The following CTNNA3 variants were observed in gnomAD, a reference collection of about 807,000 sequenced individuals.
CTNNA3 encodes the protein catenin alpha-3.
Under a neutral mutation model 95.7 loss-of-function variants are expected in CTNNA3, and 76 were observed. That is an observed-to-expected ratio of 0.79 (90% confidence interval 0.66 to 0.96). CTNNA3 has a LOEUF of 0.96. Among genes scored for constraint, CTNNA3 ranks in the 40% least tolerant of loss-of-function variants. The pLI is 0.00. For missense variants in CTNNA3, 1,191 were observed against 1,089.8 expected (o/e 1.09, Z -1.31); for synonymous variants, 431 against 374.4 (o/e 1.15, Z -1.74).
chr10:66,498,493 T>A (rs1259977991), intron 11 of CTNNA3, among the ~76,000 whole-genome samples: 1 of 152,134 alleles, frequency 6.6e-6, no homozygotes, highest in Non-Finnish European at 1.5e-5. Context: ...ATGGCAATAA[T>A]TTAGGTTCAT....
At chr10:66,673,686 C>T (rs578007464) in intron 9 of CTNNA3, among the ~76,000 whole-genome samples, 28 of 152,182 alleles carry the variant, frequency 1.8e-4, no homozygotes, top group African/African-American at 6.3e-4. Context: ...GGATATACTA[C>T]ATAATCTTAA....
intron 11 of CTNNA3, among the ~76,000 whole-genome samples, chr10:66,426,522 T>C (rs1394311863): frequency 1.3e-5 from 2 of 152,084 alleles, no homozygotes; most frequent in South Asian, 2.1e-4. Flanking sequence ...TCTTAAAGGA[T>C]AGCTTAGCTA....
intron 5 of CTNNA3, among the ~76,000 whole-genome samples, chr10:67,457,596 A>C (rs1336788401): frequency 6.6e-6 from 1 of 152,216 alleles, no homozygotes; most frequent in Non-Finnish European, 1.5e-5. Flanking sequence ...AAAACAACAC[A>C]AATTATCATT....
intron 11 of CTNNA3, among the ~76,000 whole-genome samples, chr10:66,434,548 G>A (rs988224050): frequency 2.6e-5 from 4 of 152,142 alleles, no homozygotes; most frequent in Non-Finnish European, 5.9e-5. Context: ...TTTTGGGGCT[G>A]AGATGACAGG....
chr10:66,625,722 T>C (rs1371906001), intron 9 of CTNNA3, among the ~76,000 whole-genome samples: 1 of 152,198 alleles, frequency 6.6e-6, no homozygotes, highest in East Asian at 1.9e-4. Flanking sequence ...TTAGTATGTT[T>C]CTGTCATGAT....
chr10:66,111,151 C>T (rs995423452), intron 13 of CTNNA3, among the ~76,000 whole-genome samples: 1 of 152,096 alleles, frequency 6.6e-6, no homozygotes, highest in African/African-American at 2.4e-5. Flanking sequence ...GGGCAGATTT[C>T]CTCCTTGCTC....
At chr10:67,655,929 A>G (rs986486555) in intron 1 of CTNNA3, among the ~76,000 whole-genome samples, 7 of 152,198 alleles carry the variant, frequency 4.6e-5, no homozygotes, top group African/African-American at 1.7e-4. Context: ...CTGAAAAAAA[A>G]AATCTAAATC....
intron 9 of CTNNA3, among the ~76,000 whole-genome samples, chr10:66,733,834 A>G (rs1448607615): frequency 6.6e-6 from 1 of 151,784 alleles, no homozygotes; most frequent in Non-Finnish European, 1.5e-5. Context: ...TTTCTTTTCA[A>G]TGGCTTATTG....
In CTNNA3 at chr10:66,584,429, T is replaced by C. The variant is rs779170999; in HGVS notation, c.1374+37263A>G. 3.9e-5 allele frequency among the ~76,000 whole-genome samples: 6 copies of C among 151,978 alleles called. No homozygotes were observed. In the South Asian group the frequency reaches 1.2e-3, roughly 31 times the overall value. ...TTGAATTTATCCTATTTTAATTACA[T>C]AATGACCTTCTTTGTCCTTTTTTAA... On this transcript the variant is annotated intron_variant, in intron 10 of 17. Transcript: ENST00000433211.
rs1845831919 is a variant in CTNNA3, at chr10:67,424,013, G to T, written c.579+97829C>A. 3.9e-5 allele frequency among the ~76,000 whole-genome samples: 6 copies of T among 152,038 alleles called. No individual in the cohort carries two copies. In the South Asian group the frequency reaches 1.2e-3, roughly 31 times the overall value. On this transcript the variant is annotated intron_variant, in intron 5 of 17. Transcript: ENST00000433211. ...GAAAGCATAAATGCTGTTCTAGTCA[G>T]GAAAAAGAATCAATAAATACTCAAA...
intron 9 of CTNNA3, among the ~76,000 whole-genome samples, chr10:66,684,515 C>T (rs1364296811): frequency 6.6e-6 from 1 of 152,092 alleles, no homozygotes; most frequent in African/African-American, 2.4e-5. Flanking sequence ...AAATAAGATT[C>T]ATTTCTATAA....
At chr10:66,865,357 A>AAAAAGAC (rs1481849850) in intron 7 of CTNNA3, among the ~76,000 whole-genome samples, 1 of 152,038 alleles carries the variant, frequency 6.6e-6, no homozygotes, top group Non-Finnish European at 1.5e-5. Context: ...TCATCATGTT[A>AAAAAGAC]AAAAGACATA....
chr10:66,343,139 G>A (rs2092470215), intron 12 of CTNNA3, among the ~76,000 whole-genome samples: 2 of 151,952 alleles, frequency 1.3e-5, no homozygotes, highest in South Asian at 4.1e-4. Flanking sequence ...ACGTAAACTA[G>A]TACAGCCACT....
chr10:66,542,955 T>C (rs1037057270), intron 10 of CTNNA3, among the ~76,000 whole-genome samples: 1 of 152,186 alleles, frequency 6.6e-6, no homozygotes, highest in Admixed American at 6.5e-5. Flanking sequence ...GAAATTCTAC[T>C]TTTAGAAATG....
intron 13 of CTNNA3, among the ~76,000 whole-genome samples, chr10:66,240,945 A>G (rs1231151263): frequency 6.6e-6 from 1 of 152,246 alleles, no homozygotes; most frequent in African/African-American, 2.4e-5. Flanking sequence ...GAAAATAACA[A>G]GTTTTTAGGA....
At chr10:66,955,437 A>T (rs1270974920) in intron 7 of CTNNA3, among the ~76,000 whole-genome samples, 2 of 152,190 alleles carry the variant, frequency 1.3e-5, no homozygotes, top group African/African-American at 2.4e-5. Context: ...ATTCCAAATG[A>T]CAATGCCAAT....
intron 9 of CTNNA3, among the ~76,000 whole-genome samples, chr10:66,677,142 G>T (rs778129481): frequency 5.4e-4 from 82 of 152,184 alleles, no homozygotes; most frequent in Non-Finnish European, 7.6e-4. Context: ...TAAATGACTG[G>T]TTTGAGCCAG....
At chr10:66,023,678 C>T (rs1413223353) in intron 15 of CTNNA3, among the ~76,000 whole-genome samples, 3 of 152,182 alleles carry the variant, frequency 2.0e-5, no homozygotes, top group Non-Finnish European at 4.4e-5. Context: ...TCTCCCTAGA[C>T]GTATTGTGAA....
chr10:67,312,388 G>T (rs1840850952), intron 5 of CTNNA3, among the ~76,000 whole-genome samples: 2 of 152,154 alleles, frequency 1.3e-5, no homozygotes, highest in Admixed American at 1.3e-4. Context: ...ACATTTAAAA[G>T]AAATTTGGCT....
Sources: gnomAD v4.1 joint callset for allele counts (sites outside exome capture counted in the v4.1 genomes callset) on GRCh38, gnomAD v4.1.1 for gene constraint, MANE v1.5 for transcripts, NCBI Gene and HGNC (gene_info 2026-07-23, HGNC 2026-07-21) for gene names.